The following FAT4 variants were observed in gnomAD, a reference collection of about 807,000 sequenced individuals.
FAT4 encodes the protein protocadherin Fat 4.
In FAT4, 84 loss-of-function variants were observed where a neutral mutation model predicts 303.9. The ratio of observed to expected loss-of-function variants is 0.28; its 90% CI spans 0.23 to 0.33. The LOEUF (loss-of-function observed/expected upper bound fraction) is 0.33. Ranked by LOEUF, FAT4 falls within the 10% of genes least tolerant of loss-of-function variation. The pLI is 1.00. For synonymous variants in FAT4, 2,307 were observed against 2,298.8 expected, an observed-to-expected ratio of 1.00 and a Z score of -0.10; for missense variants, 6,005 against 6,146.8, an observed-to-expected ratio of 0.98 and a Z score of 0.77.
At chr4:125,402,201 C>A (rs1734413435) in intron 3 of FAT4, among the ~76,000 whole-genome samples, 1 of 151,900 alleles carries the variant, frequency 6.6e-6, no homozygotes, top group Non-Finnish European at 1.5e-5. Context: ...TTTATTACAG[C>A]CCATTTGTAG....
intron 2 of FAT4, among the ~76,000 whole-genome samples, chr4:125,374,303 G>C (rs754331678): frequency 6.6e-6 from 1 of 152,156 alleles, no homozygotes; most frequent in Admixed American, 6.6e-5. Flanking sequence ...TATCTTTGAA[G>C]TTGCAACACT....
At chr4:125,352,204 T>C (rs1244966932) in intron 2 of FAT4, among the ~76,000 whole-genome samples, 4 of 151,684 alleles carry the variant, frequency 2.6e-5, no homozygotes, top group Admixed American at 6.6e-5. Flanking sequence ...AATATAGCTC[T>C]AAGTAATTAC....
chr4:125,426,172 T>C (rs938639433), intron 7 of FAT4, among the ~76,000 whole-genome samples: 1 of 152,092 alleles, frequency 6.6e-6, no homozygotes, highest in Admixed American at 6.5e-5. Context: ...TTGTGTAATA[T>C]GACATTTTAC....
intron 2 of FAT4, among the ~76,000 whole-genome samples, chr4:125,332,891 C>A (rs2125959606): frequency 6.6e-6 from 1 of 152,020 alleles, no homozygotes; most frequent in Non-Finnish European, 1.5e-5. Flanking sequence ...ATAAAATATT[C>A]AAAATAAGCA....
At chr4:125,476,331 T>G in intron 13 of FAT4, 75 bp downstream of exon 13, 1 of 717,156 alleles carries the variant, frequency 1.4e-6, no homozygotes, top group Non-Finnish European at 2.2e-6. Context: ...TAAAAATAAT[T>G]ATAGGATGCT....
At chr4:125,322,814 G>A (rs1376225729) in intron 2 of FAT4, among the ~76,000 whole-genome samples, 2 of 151,374 alleles carry the variant, frequency 1.3e-5, no homozygotes, top group Non-Finnish European at 2.9e-5. Context: ...GAATATTTAT[G>A]GCTTAAAGGA....
intron 2 of FAT4, among the ~76,000 whole-genome samples, chr4:125,364,759 C>A (rs1732800107): frequency 6.6e-6 from 1 of 151,614 alleles, no homozygotes; most frequent in Non-Finnish European, 1.5e-5. Flanking sequence ...TGAGAAGAGA[C>A]CCTGGAAGGT....
At chr4:125,377,532 T>A (rs1277663712) in intron 2 of FAT4, among the ~76,000 whole-genome samples, 3 of 152,150 alleles carry the variant, frequency 2.0e-5, no homozygotes, top group Admixed American at 2.0e-4. Flanking sequence ...TTAGAAAATC[T>A]TATGTATATT....
chr4:125,345,173 G>A (rs1731948616), intron 2 of FAT4, among the ~76,000 whole-genome samples: 1 of 152,100 alleles, frequency 6.6e-6, no homozygotes, highest in Admixed American at 6.6e-5. Context: ...TTGGTGAGCA[G>A]ATGAATATCC....
rs774992728 is a variant in FAT4, at chr4:125,319,873, A to G, written c.3462A>G (p.Glu1154=). 9.3e-6 allele frequency: 15 copies of G among 1,614,146 alleles called. No individual in the cohort carries two copies. The highest frequency in any genetic ancestry group is 1.3e-5 in the African/African-American group (1 of 75,020). ...TTGAGTTGCATGCCATCAGTGGGGA[A>G]ATTACAAATACTCATCAGTTTGACA... ...PDFELHAISG[E]ITNTHQFDRE... is the part of the protein sequence containing the mutation. Residue 1154 remains glutamate (E), a synonymous_variant, in exon 2 of 18, where the codon GAA becomes GAG. Transcript: ENST00000394329.
chr4:125,419,336 T>G (rs1228514008), intron 7 of FAT4, among the ~76,000 whole-genome samples: 1 of 152,190 alleles, frequency 6.6e-6, no homozygotes, highest in African/African-American at 2.4e-5. Context: ...CTTGTTATTA[T>G]TCTTCATTCC....
rs1472760762 is a variant in FAT4, at chr4:125,479,880, C to A, written c.12604+15C>A. On this transcript the variant is annotated intron_variant, in intron 15 of 17. Transcript: ENST00000394329. ...CTGTGAAAAATGTATGTAAGGTCTT[C>A]CGTCTTCCCCTGGAAATTTTAATAA... is the stretch of plus-strand genomic sequence containing the variant. The A allele has an allele frequency of 1.2e-5, 18 of 1,517,634 alleles. No homozygotes were observed. The highest frequency in any genetic ancestry group is 1.5e-5 in the Non-Finnish European group (17 of 1,122,332). The allele number at this position is 1,517,634 out of a possible 1,614,324, so 94.0% of individuals were successfully genotyped here. A position where few individuals can be genotyped will look rare whatever the true frequency, so the allele number is the denominator to read the frequency against.
chr4:125,408,444 G>T lies in FAT4; in HGVS notation c.5570G>T (p.Gly1857Val). ...SFDIPEDTIP[G>V]SLVAAILATD... ...TACTATTAATTTATTCTTTTGATAG[G>T]TTCTTTGGTAGCAGCCATTTTAGCC... The change falls in exon 5 of 18, where the codon GGT (glycine) becomes GTT (valine). Residue 1857 changes from glycine to valine, a missense_variant and splice_region_variant. Physicochemically the swap from Gly to Val is moderately radical, Grantham distance 109 (BLOSUM62 -3). Transcript: ENST00000394329. 1 of 1,575,188 alleles carries T rather than the reference G, an allele frequency of 6.3e-7. No homozygotes were observed.
intron 8 of FAT4, among the ~76,000 whole-genome samples, chr4:125,437,256 C>A (rs1221627034): frequency 6.6e-6 from 1 of 152,096 alleles, no homozygotes; most frequent in Non-Finnish European, 1.5e-5. Flanking sequence ...GCACTAGAAC[C>A]AGTCACTGGG....
intron 10 of FAT4, among the ~76,000 whole-genome samples, chr4:125,461,914 A>ACTAAG (rs1180767814): frequency 6.6e-6 from 1 of 151,992 alleles, no homozygotes; most frequent in Non-Finnish European, 1.5e-5. Flanking sequence ...GAAATCAAGC[A>ACTAAG]CTATTTGAAG....
chr4:125,327,740 C>G (rs934477190), intron 2 of FAT4, among the ~76,000 whole-genome samples: 3 of 152,090 alleles, frequency 2.0e-5, no homozygotes, highest in African/African-American at 4.8e-5. Flanking sequence ...TTATTAAAAC[C>G]CTAATGATTT....
chr4:125,321,548 G>A lies in FAT4; in HGVS notation c.5137G>A (p.Glu1713Lys), dbSNP rs1307428073. Residue 1713 changes from glutamate (E) to lysine (K), a missense_variant, in exon 2 of 18, where the codon GAA becomes AAA. By Grantham distance (56) the Glu-to-Lys change is moderately conservative. Transcript: ENST00000394329. ...CLYLVDVYAI[E>K]KSTAFPRTQR... ...TTACCTGGTGGATGTTTATGCCATA[G>A]AAAAATCAACTGCTTTTCCCAGAAC... 1.9e-6 allele frequency: 3 copies of A among 1,611,942 alleles called. No individual in the cohort carries two copies.
At chr4:125,463,943 CT>C (rs1245558764) in intron 11 of FAT4, among the ~76,000 whole-genome samples, 2 of 152,094 alleles carry the variant, frequency 1.3e-5, no homozygotes, top group East Asian at 1.9e-4. Flanking sequence ...TGGATATCTT[CT>C]TTTCAGCTGA....
In FAT4 at chr4:125,316,390, A is replaced by G. The variant is rs188629298; in HGVS notation, c.-12-10A>G. On this transcript the variant is annotated splice_polypyrimidine_tract_variant and intron_variant, in intron 1 of 17. Coordinates refer to ENST00000394329, the MANE Select transcript of FAT4 (RefSeq NM_001291303.3). The surrounding 1 kb of genome is among the most constrained non-coding windows in gnomAD (Gnocchi z 5.7). ...TTCACCCCTTCCTTCTCTTTATCACATCGTTTTAGGGAGCCAGGACCATGG... is the reference window on the plus strand; with the variant it reads ...TTCACCCCTTCCTTCTCTTTATCACGTCGTTTTAGGGAGCCAGGACCATGG... 2.7e-5 allele frequency: 42 copies of G among 1,573,180 alleles called. 1 individual carries two copies. In the East Asian group the frequency reaches 9.5e-4, roughly 36 times the overall value.
Sources: allele counts gnomAD v4.1 joint callset (sites outside exome capture counted in the v4.1 genomes callset), GRCh38; gene constraint gnomAD v4.1.1; non-coding constraint Gnocchi (gnomAD v3.1); transcripts MANE v1.5; gene names NCBI Gene and HGNC (gene_info 2026-07-23, HGNC 2026-07-21).